Variants in UBE2R2 observed in about 807,000 individuals in gnomAD.
UBE2R2 encodes ubiquitin conjugating enzyme E2 R2.
In UBE2R2, 1 loss-of-function variant was observed where a neutral mutation model predicts 27.8. The observed-to-expected ratio is 0.04, with a 90% CI of 0.01 to 0.17. The LOEUF is 0.17. Among genes scored for constraint, UBE2R2 ranks in the 10% least tolerant of loss-of-function variants. UBE2R2 has a pLI of 1.00. For missense variants in UBE2R2, 100 were observed against 291.0 expected, an observed-to-expected ratio of 0.34 and a Z score of 4.78; for synonymous variants, 106 against 113.3, an observed-to-expected ratio of 0.94 and a Z score of 0.41.
chr9:33,910,040 T>G (rs775299371), intron 3 of UBE2R2, among the ~76,000 whole-genome samples: 24 of 152,158 alleles, frequency 1.6e-4, no homozygotes, highest in Non-Finnish European at 2.6e-4. Context: ...TGAGAAAAGA[T>G]AGAGAAATTT....
At chr9:33,829,792 C>CG (rs1332467473) in intron 1 of UBE2R2, among the ~76,000 whole-genome samples, 3 of 119,334 alleles carry the variant, frequency 2.5e-5, no homozygotes, top group African/African-American at 9.8e-5. Flanking sequence ...TTAGTGCAAT[C>CG]GTTTTTTTTT....
chr9:33,834,192 C>CTTTTT (rs144998603), intron 1 of UBE2R2, among the ~76,000 whole-genome samples: 2 of 141,110 alleles, frequency 1.4e-5, no homozygotes, highest in Non-Finnish European at 1.5e-5. Flanking sequence ...CTTGGAGCTT[C>CTTTTT]TTTTTTTTTT....
upstream of UBE2R2, among the ~76,000 whole-genome samples, chr9:33,816,206 A>T (rs1489628932): frequency 2.0e-5 from 3 of 152,154 alleles, no homozygotes; most frequent in Non-Finnish European, 4.4e-5. Flanking sequence ...TTTTCTAGGA[A>T]ATGTTTTTTA....
chr9:33,835,145 G>GTTTTT (rs3060448), intron 1 of UBE2R2, among the ~76,000 whole-genome samples: 33 of 112,114 alleles, frequency 2.9e-4, no homozygotes, highest in Non-Finnish European at 4.4e-4. Flanking sequence ...CTAAGTGTAG[G>GTTTTT]TTTTTTTTTT....
rs570556697 is a variant in UBE2R2, at chr9:33,883,004, G to A, written c.178-3877G>A. ...CTCGAGAGGCTGAGGCAGGAGAATC[G>A]CTTGAACCCAGGAAGTGGAAGTTGC... On this transcript the variant is annotated intron_variant, in intron 1 of 4. Transcript: ENST00000263228. 2.0e-4 allele frequency among the ~76,000 whole-genome samples: 30 copies of A among 152,074 alleles called. 1 individual carries two copies. The highest frequency in any genetic ancestry group is 6.8e-4 in the African/African-American group (28 of 41,478).
chr9:33,887,015 A>G (rs1821875099), intron 2 of UBE2R2, 48 bp downstream of exon 2: 5 of 1,475,472 alleles, frequency 3.4e-6, no homozygotes, highest in Non-Finnish European at 4.6e-6. Flanking sequence ...TTTTTTTTAA[A>G]TCAGTACTTT....
chr9:33,818,427 G>C (rs1054888940), intron 1 of UBE2R2, among the ~76,000 whole-genome samples: 2 of 151,406 alleles, frequency 1.3e-5, no homozygotes, highest in African/African-American at 4.9e-5. Context: ...AGAAGCTGCC[G>C]AGTGCCCTGA....
intron 1 of UBE2R2, among the ~76,000 whole-genome samples, chr9:33,840,298 T>C (rs2130738508): frequency 6.6e-6 from 1 of 152,310 alleles, no homozygotes; most frequent in East Asian, 1.9e-4. Context: ...TAACCACTAC[T>C]TCACTCTCTC....
At chr9:33,907,808 A>G in intron 3 of UBE2R2, among the ~76,000 whole-genome samples, 1 of 151,014 alleles carries the variant, frequency 6.6e-6, no homozygotes, top group East Asian at 1.9e-4. Flanking sequence ...CTAGCAGTTG[A>G]AATAGTTTTT....
chr9:33,888,087 A>G (rs1021688333), intron 2 of UBE2R2, among the ~76,000 whole-genome samples: 1 of 152,214 alleles, frequency 6.6e-6, no homozygotes, highest in Non-Finnish European at 1.5e-5. Flanking sequence ...CAGACATTGT[A>G]TGATTTCTAT....
At chr9:33,833,392 G>A (rs2130729404) in intron 1 of UBE2R2, among the ~76,000 whole-genome samples, 1 of 152,166 alleles carries the variant, frequency 6.6e-6, no homozygotes, top group South Asian at 2.1e-4. Flanking sequence ...CAGAGACGTG[G>A]TTTCACCATG....
intron 1 of UBE2R2, among the ~76,000 whole-genome samples, chr9:33,883,673 C>T (rs1355918218): frequency 6.8e-6 from 1 of 148,144 alleles, no homozygotes; most frequent in Non-Finnish European, 1.5e-5. Context: ...CGAGATTGCA[C>T]CACTGCCCTC....
At chr9:33,838,216 G>A (rs1820654993) in intron 1 of UBE2R2, among the ~76,000 whole-genome samples, 1 of 149,584 alleles carries the variant, frequency 6.7e-6, no homozygotes. Context: ...TGCAGTGGCA[G>A]TCTAGCTGTA....
intron 1 of UBE2R2, among the ~76,000 whole-genome samples, chr9:33,871,671 T>A (rs1821487262): frequency 6.6e-6 from 1 of 152,234 alleles, no homozygotes; most frequent in Non-Finnish European, 1.5e-5. Context: ...AATTAACTTC[T>A]GTAACAATTG....
intron 3 of UBE2R2, among the ~76,000 whole-genome samples, chr9:33,904,728 C>T (rs564101581): frequency 3.3e-5 from 5 of 152,270 alleles, no homozygotes; most frequent in Non-Finnish European, 7.4e-5. Context: ...TAGCTTGCTA[C>T]CTCTTGGGAA....
At chr9:33,906,532 A>G (rs1329166234) in intron 3 of UBE2R2, among the ~76,000 whole-genome samples, 1 of 152,122 alleles carries the variant, frequency 6.6e-6, no homozygotes, top group Non-Finnish European at 1.5e-5. Flanking sequence ...GCCAGTCTGT[A>G]ATCCTTCAAA....
chr9:33,858,162 A>G (rs917928729), intron 1 of UBE2R2, among the ~76,000 whole-genome samples: 1 of 152,166 alleles, frequency 6.6e-6, no homozygotes, highest in African/African-American at 2.4e-5. Flanking sequence ...GTAAATAACA[A>G]TTCTCTTTTG....
At chr9:33,887,911 G>A (rs1236663852) in intron 2 of UBE2R2, among the ~76,000 whole-genome samples, 2 of 152,126 alleles carry the variant, frequency 1.3e-5, no homozygotes, top group South Asian at 2.1e-4. Context: ...TCCTGACCTC[G>A]TGATCCACCC....
intron 1 of UBE2R2, among the ~76,000 whole-genome samples, chr9:33,877,823 G>GTCTCTCTCTCTCTCTCTCTCTCTCTCTC (rs1554675184): frequency 4.3e-4 from 56 of 131,094 alleles, no homozygotes; most frequent in South Asian, 1.8e-3. Context: ...CTGTCTGTCT[G>GTCTCTCTCTCTCTCTCTCTCTCTCTCTC]TCTCTCTCTC....
Sources: gnomAD v4.1 joint callset for allele counts (sites outside exome capture counted in the v4.1 genomes callset) on GRCh38, gnomAD v4.1.1 for gene constraint, MANE v1.5 for transcripts, NCBI Gene and HGNC (gene_info 2026-07-23, HGNC 2026-07-21) for gene names.